TEX15: variants seen among roughly 807,000 people sequenced by gnomAD.
TEX15 encodes the protein testis-expressed protein 15.
In TEX15, 171 loss-of-function variants were observed where a neutral mutation model predicts 237.3. The ratio of observed to expected loss-of-function variants is 0.72; its 90% CI spans 0.64 to 0.82. The LOEUF is 0.82. Ranked by LOEUF, TEX15 falls within the 40% of genes least tolerant of loss-of-function variation. The probability of loss-of-function intolerance (pLI) is 0.00; values close to 1 mark genes in which losing one functional copy is unlikely to be tolerated. For missense variants in TEX15, 3,750 were observed against 3,646.5 expected (o/e 1.03, Z -0.73); for synonymous variants, 1,338 against 1,269.8 (o/e 1.05, Z -1.14).
chr8:30,871,344 T>C (rs538837115), intron 4 of TEX15, among the ~76,000 whole-genome samples: 50 of 152,116 alleles, frequency 3.3e-4, no homozygotes, highest in Middle Eastern at 3.4e-3. Flanking sequence ...AACTTGTTTT[T>C]CCCCACAACT....
intron 3 of TEX15, among the ~76,000 whole-genome samples, chr8:30,885,149 T>A (rs1253950781): frequency 6.6e-6 from 1 of 152,066 alleles, no homozygotes; most frequent in Non-Finnish European, 1.5e-5. Context: ...GTTACTTATA[T>A]CTAGTGTGGG....
intron 2 of TEX15, among the ~76,000 whole-genome samples, chr8:30,892,552 T>C (rs1808815808): frequency 1.3e-5 from 2 of 152,268 alleles, no homozygotes; most frequent in South Asian, 4.1e-4. Context: ...AGATAAGTTA[T>C]ACTGTTATAT....
chr8:30,912,632 C>T (rs997564562), intron 1 of TEX15, among the ~76,000 whole-genome samples: 4 of 152,212 alleles, frequency 2.6e-5, no homozygotes, highest in African/African-American at 9.6e-5. Context: ...AAACATTTCA[C>T]CTGTAGAGTC....
intron 3 of TEX15, among the ~76,000 whole-genome samples, chr8:30,881,623 T>TTTTTTTTTTTTTTTTTTTG (rs1808526409): frequency 8.7e-6 from 1 of 114,868 alleles, no homozygotes; most frequent in Non-Finnish European, 1.6e-5. Context: ...TTTATTTTTT[T>TTTTTTTTTTTTTTTTTTTG]TTATTATTTT....
Position 30,847,142 on chromosome 8 carries a change from C to T in TEX15, c.3025G>A (p.Glu1009Lys), listed in dbSNP as rs771646233. ...NDDHQIYQFK[E>K]TCSSESPDFG... is the part of the protein sequence containing the mutation. ...TCTGGACTTTCAGAAGAACAAGTTTCTTTAAACTGGTATATCTGGTGATCG... is the reference window on the plus strand; with the variant it reads ...TCTGGACTTTCAGAAGAACAAGTTTTTTTAAACTGGTATATCTGGTGATCG... The change falls in exon 8 of 11, where the codon GAA becomes AAA. Residue 1009 changes from glutamate (E) to lysine (K), a missense_variant. Physicochemically the swap from Glu to Lys is moderately conservative, Grantham distance 56. Coordinates refer to ENST00000643185, the MANE Select transcript of TEX15 (RefSeq NM_001350162.2). 1.2e-5 allele frequency: 19 copies of T among 1,613,660 alleles called. No homozygotes were observed. The highest frequency in any genetic ancestry group is 1.0e-4 in the Admixed American group (6 of 59,982).
At chr8:30,841,187 C>T (rs927639440) in intron 8 of TEX15, among the ~76,000 whole-genome samples, 8 of 152,070 alleles carry the variant, frequency 5.3e-5, no homozygotes, top group African/African-American at 9.7e-5. Flanking sequence ...CCCAAAGTGC[C>T]GGGATTACAG....
intron 3 of TEX15, among the ~76,000 whole-genome samples, chr8:30,886,285 T>A (rs1426892648): frequency 6.6e-6 from 1 of 152,198 alleles, no homozygotes; most frequent in Non-Finnish European, 1.5e-5. Flanking sequence ...GAGGTGAAGT[T>A]CTGGCTTTCC....
chr8:30,875,623 C>T (rs1016526048), intron 3 of TEX15, among the ~76,000 whole-genome samples: 1 of 152,146 alleles, frequency 6.6e-6, no homozygotes, highest in African/African-American at 2.4e-5. Flanking sequence ...TAAATAGATG[C>T]ATAAAAGGAT....
intron 3 of TEX15, among the ~76,000 whole-genome samples, chr8:30,875,303 ATT>A (rs1187018100): frequency 7.2e-5 from 11 of 152,152 alleles, no homozygotes; most frequent in African/African-American, 2.7e-4. Context: ...ATGAACCATG[ATT>A]TTCTCCACAT....
At chr8:30,892,014 C>A (rs1209676996) in intron 2 of TEX15, among the ~76,000 whole-genome samples, 2 of 152,082 alleles carry the variant, frequency 1.3e-5, no homozygotes, top group Non-Finnish European at 2.9e-5. Context: ...GTCCCAACTA[C>A]GAATATTTTT....
chr8:30,836,205 GTTTTTTTTT>G (rs33984716), intron 10 of TEX15, among the ~76,000 whole-genome samples: 23 of 43,274 alleles, frequency 5.3e-4, no homozygotes, highest in South Asian at 1.4e-3. Flanking sequence ...TCACTGTATC[GTTTTTTTTT>G]TTTTTTTTTT....
chr8:30,844,544 G>T lies in TEX15; in HGVS notation c.5623C>A (p.Gln1875Lys). ...GATTCTTCTGAGATCTGATTCTTTT[G>T]ATTTTTGTACTCAGTATTAACAGTT... is the stretch of plus-strand genomic sequence containing the variant. ...GSTVNTEYKN[Q>K]KNQISEESCL... Residue 1875 changes from glutamine to lysine, a missense_variant, in exon 8 of 11, where the codon CAA becomes AAA. Physicochemically the swap from Gln to Lys is moderately conservative, Grantham distance 53. Transcript: ENST00000643185. The T allele has an allele frequency of 1.2e-6, 2 of 1,612,222 alleles. No homozygotes were observed. The highest frequency in any genetic ancestry group is 2.2e-5 in the South Asian group (2 of 90,738).
rs1303969913 is a variant in TEX15, at chr8:30,912,449, G to A, written c.-86+430C>T. ...TGCTGACTACAAACTGCGCCTCCAG[G>A]GAGCCAGGGCGAGGCGGAGGCCACC... On this transcript the variant is annotated intron_variant, in intron 1 of 10. Coordinates refer to ENST00000643185, the MANE Select transcript of TEX15 (RefSeq NM_001350162.2). 2.6e-5 allele frequency among the ~76,000 whole-genome samples: 4 copies of A among 152,112 alleles called. No individual in the cohort carries two copies. The East Asian group carries it at 5.8e-4, about 22-fold the overall frequency.
rs2128768207 is a variant in TEX15, at chr8:30,847,577, G to T, written c.2590C>A (p.Gln864Lys). Residue 864 changes from glutamine (Q) to lysine (K), a missense_variant, in exon 8 of 11, where the codon CAA becomes AAA. Physicochemically the swap from Gln to Lys is moderately conservative, Grantham distance 53 (BLOSUM62 1). Coordinates refer to ENST00000643185, the MANE Select transcript of TEX15 (RefSeq NM_001350162.2). ...NFKKQTDREN[Q>K]NEAKENSASC... ...GCACTATTCTCTTTAGCCTCATTTT[G>T]GTTTTCTCTATCTGTTTGTTTTTTG... is the stretch of plus-strand genomic sequence containing the variant. The T allele has an allele frequency of 6.2e-7, 1 of 1,612,532 alleles. No individual in the cohort carries two copies. The highest frequency in any genetic ancestry group is 2.2e-5 in the East Asian group (1 of 44,838).
Position 30,848,648 on chromosome 8 carries a change from G to T in TEX15, c.1519C>A (p.Gln507Lys). 1.2e-6 allele frequency: 2 copies of T among 1,614,144 alleles called. No individual in the cohort carries two copies. Among genetic ancestry groups the T allele is most frequent in the East Asian group, 2.2e-5 (1 of 44,886 alleles). ...GAGCCCATGTTGTGAGCCCAAGATT[G>T]TGAATCATTAACAGAAGTTTTAAAG... is the stretch of plus-strand genomic sequence containing the variant. Reference protein sequence around the residue: ...PCFKTSVNDSQSWAHNMGSED... With the variant: ...PCFKTSVNDSKSWAHNMGSED... Residue 507 changes from glutamine (Q) to lysine (K), a missense_variant, in exon 8 of 11, where the codon CAA becomes AAA. Transcript: ENST00000643185.
At chr8:30,891,583 G>A (rs550850064) in intron 2 of TEX15, among the ~76,000 whole-genome samples, 172 of 151,854 alleles carry the variant, frequency 1.1e-3, no homozygotes, top group African/African-American at 3.4e-3. Context: ...GGGTTCAAGC[G>A]ATTCTCCTGG....
rs1807624520 is a variant in TEX15, at chr8:30,846,769, C to T, written c.3398G>A (p.Ser1133Asn). 1 of 1,613,670 alleles carries T rather than the reference C, an allele frequency of 6.2e-7. No individual in the cohort carries two copies. Among genetic ancestry groups the T allele is most frequent in the Non-Finnish European group, 8.5e-7 (1 of 1,179,762 alleles). The change falls in exon 8 of 11, where the codon AGT becomes AAT. Residue 1133 changes from serine to asparagine, a missense_variant. Ser to Asn is a conservative substitution (Grantham distance 46). Coordinates refer to ENST00000643185, the MANE Select transcript of TEX15 (RefSeq NM_001350162.2). ...ENSDQHYSKE[S>N]NYFYSSTQNN... ...TTGTGTAGAGGAATAAAAATAGTTA[C>T]TTTCCTTAGAATAATGCTGATCACT...
Position 30,843,066 on chromosome 8 carries a change from T to C in TEX15, c.7101A>G (p.Pro2367=), listed in dbSNP as rs371744102. 11 of 1,613,464 alleles carry C rather than the reference T, an allele frequency of 6.8e-6. No individual in the cohort carries two copies. The highest frequency in any genetic ancestry group is 1.3e-5 in the African/African-American group (1 of 75,020). ...SKFNSNLLAH[P]DICCISEILD... is the part of the protein sequence containing the mutation. ...ATATCTCACTAATACAACAAATATCTGGGTGTGCAAGCAAATTACTGTTAA... is the reference window on the plus strand; with the variant it reads ...ATATCTCACTAATACAACAAATATCCGGGTGTGCAAGCAAATTACTGTTAA... Residue 2367 remains proline (P), a synonymous_variant, in exon 8 of 11, where the codon CCA becomes CCG. Coordinates refer to ENST00000643185, the MANE Select transcript of TEX15 (RefSeq NM_001350162.2).
At chr8:30,892,759 C>T (rs142196511) in intron 2 of TEX15, among the ~76,000 whole-genome samples, 147 of 152,186 alleles carry the variant, frequency 9.7e-4, no homozygotes, top group Middle Eastern at 6.8e-3. Context: ...TGTAGCTGGG[C>T]GCAGTGGCTC....
Sources: gnomAD v4.1 joint callset for allele counts (sites outside exome capture counted in the v4.1 genomes callset) on GRCh38, gnomAD v4.1.1 for gene constraint, MANE v1.5 for transcripts, NCBI Gene and HGNC (gene_info 2026-07-23, HGNC 2026-07-21) for gene names.